Variants in ZNF618 observed in about 807,000 individuals in gnomAD.
ZNF618 encodes zinc finger protein 618, also known as neural precursor cell expressed, developmentally down-regulated 10.
In ZNF618, 34 loss-of-function variants were observed where a neutral mutation model predicts 103.0. That is an observed-to-expected ratio of 0.33 (90% CI 0.25 to 0.44). ZNF618 has a LOEUF of 0.44. ZNF618 is among the 20% of genes least tolerant of loss of function. The pLI is 1.00. For missense variants in ZNF618, 1,059 were observed against 1,295.4 expected (o/e 0.82, Z 2.80); for synonymous variants, 551 against 542.2 (o/e 1.02, Z -0.23).
chr9:114,030,540 A>G (rs1039808530), intron 11 of ZNF618, among the ~76,000 whole-genome samples: 2 of 152,212 alleles, frequency 1.3e-5, no homozygotes, highest in African/African-American at 4.8e-5. Context: ...CTGAGTAGGC[A>G]TTCAGCAAGC....
chr9:113,955,959 C>G (rs1473714774), intron 1 of ZNF618, among the ~76,000 whole-genome samples: 1 of 151,990 alleles, frequency 6.6e-6, no homozygotes, highest in African/African-American at 2.4e-5. Context: ...AGGAGCATCC[C>G]AGCACTTTGG....
At chr9:114,007,904 C>A (rs538646347) in intron 7 of ZNF618, among the ~76,000 whole-genome samples, 1 of 152,318 alleles carries the variant, frequency 6.6e-6, no homozygotes, top group South Asian at 2.1e-4. Flanking sequence ...TAGGGGTTCC[C>A]CGTCTAGCCC....
chr9:113,951,605 A>ATGTGTATATATATATATGTATATATATG (rs150077171), intron 1 of ZNF618, among the ~76,000 whole-genome samples: 7 of 71,076 alleles, frequency 9.8e-5, no homozygotes, highest in Admixed American at 6.1e-4. Context: ...GTGTATATAT[A>ATGTGTATATATATATATGTATATATATG]TGTATATATA....
At chr9:113,900,638 G>A (rs1283548374) in intron 1 of ZNF618, among the ~76,000 whole-genome samples, 52 of 80,538 alleles carry the variant, frequency 6.5e-4, no homozygotes, top group African/African-American at 1.4e-3. Context: ...CCTCTCCCGC[G>A]AACCCGAGCT....
intron 7 of ZNF618, among the ~76,000 whole-genome samples, chr9:114,007,815 A>G (rs1408344548): frequency 6.6e-6 from 1 of 152,264 alleles, no homozygotes; most frequent in Non-Finnish European, 1.5e-5. Flanking sequence ...ACAATTAGAA[A>G]TTAGAATAAT....
chr9:114,022,471 A>T (rs969300363), intron 10 of ZNF618, among the ~76,000 whole-genome samples: 2 of 151,928 alleles, frequency 1.3e-5, no homozygotes, highest in Non-Finnish European at 2.9e-5. Flanking sequence ...TTTTGTTGCT[A>T]TTGACTTCTA....
At chr9:114,042,925 A>C (rs1301117074) in intron 13 of ZNF618, among the ~76,000 whole-genome samples, 1 of 152,122 alleles carries the variant, frequency 6.6e-6, no homozygotes, top group Non-Finnish European at 1.5e-5. Context: ...GGCAGGTAAC[A>C]CCTGCTTTCT....
chr9:114,007,357 C>T lies in ZNF618; in HGVS notation c.558C>T (p.Phe186=), dbSNP rs1455602518. Residue 186 remains phenylalanine (F), a synonymous_variant, in exon 7 of 15, where the codon TTC becomes TTT. Coordinates refer to ENST00000374126, the MANE Select transcript of ZNF618 (RefSeq NM_001318042.2). ...SGEGASQSNN[F]RYTCDICGKK... ...TGTTTTCATCCCATGCAGACAATTT[C>T]AGGTACACATGTGATATCTGCGGGA... is the stretch of plus-strand genomic sequence containing the variant. 7.4e-6 allele frequency: 12 copies of T among 1,613,636 alleles called. No individual in the cohort carries two copies. In the Middle Eastern group the frequency reaches 4.9e-4, roughly 66 times the overall value.
At chr9:114,009,388 G>C (rs1842045051) in intron 9 of ZNF618, among the ~76,000 whole-genome samples, 1 of 152,198 alleles carries the variant, frequency 6.6e-6, no homozygotes, top group Admixed American at 6.5e-5. Flanking sequence ...CCAGCAGGCA[G>C]CATCCTCAGG....
chr9:113,959,805 C>T (rs951564890), intron 1 of ZNF618, among the ~76,000 whole-genome samples: 15 of 152,172 alleles, frequency 9.9e-5, no homozygotes, highest in African/African-American at 1.9e-4. Context: ...GACAGCGTTT[C>T]GCCATGTTGG....
In ZNF618 at chr9:114,047,946, G is replaced by A. The variant is rs925420301; in HGVS notation, c.1300G>A (p.Val434Ile). The A allele has an allele frequency of 1.9e-6, 3 of 1,601,832 alleles. No homozygotes were observed. Among genetic ancestry groups the A allele is most frequent in the African/African-American group, 1.3e-5 (1 of 74,662 alleles). The stretch of plus-strand genomic sequence containing the variant: ...CCAGTCCCGATCGCCACCTGCTGTT[G>A]TAGAAGAGAAGTGGAAACCTCAGGC... ...SNQSRSPPAV[V>I]EEKWKPQAQR... The change falls in exon 14 of 15, where the codon GTA (valine) becomes ATA (isoleucine). Residue 434 changes from valine to isoleucine, a missense_variant. By Grantham distance (29) the Val-to-Ile change is conservative. Transcript: ENST00000374126.
At chr9:113,962,532 C>T (rs73556418) in intron 1 of ZNF618, among the ~76,000 whole-genome samples, 25,589 of 152,188 alleles carry the variant, frequency 0.17, 2,645 homozygotes, top group East Asian at 0.33. Context: ...ATGAGCTGAC[C>T]TCCCATGATC....
At chr9:113,951,442 C>CACACAT (rs1835642261) in intron 1 of ZNF618, among the ~76,000 whole-genome samples, 1 of 49,256 alleles carries the variant, frequency 2.0e-5, no homozygotes, top group African/African-American at 8.3e-5. Context: ...TATATATATA[C>CACACAT]ATATATGTGT....
At chr9:113,973,397 G>A (rs1838186958) in intron 2 of ZNF618, among the ~76,000 whole-genome samples, 1 of 152,152 alleles carries the variant, frequency 6.6e-6, no homozygotes. Context: ...AACACATAAT[G>A]TTATTTCTCC....
chr9:113,953,242 C>T (rs1588139668), intron 1 of ZNF618, among the ~76,000 whole-genome samples: 2 of 152,162 alleles, frequency 1.3e-5, no homozygotes, highest in African/African-American at 4.8e-5. Flanking sequence ...GGGGTGTGTA[C>T]CCAGGCCTAT....
chr9:113,953,005 T>C (rs1221996513), intron 1 of ZNF618, among the ~76,000 whole-genome samples: 2 of 152,212 alleles, frequency 1.3e-5, no homozygotes, highest in Non-Finnish European at 2.9e-5. Context: ...CATAATAGTA[T>C]CTTAATACAT....
rs540829053 is a variant in ZNF618 at position 114,050,286 on chromosome 9, G to GC, written c.*124dup. ...AAACACTGTGGACCTCATTATAAAT[G>GC]CCCCCTGGAAACTTAAGTGCTTTTT... is the stretch of plus-strand genomic sequence containing the variant. On this transcript the variant is annotated 3_prime_UTR_variant, in exon 15 of 15. Transcript: ENST00000374126. 126 of 1,276,730 alleles carry GC rather than the reference G, an allele frequency of 9.9e-5. No individual in the cohort carries two copies. In the African/African-American group the frequency reaches 1.7e-3, roughly 17 times the overall value. The allele number at this position is 1,276,730 out of a possible 1,614,324, so 79.1% of individuals were successfully genotyped here.
At chr9:113,954,470 A>T (rs1472662908) in intron 1 of ZNF618, among the ~76,000 whole-genome samples, 1 of 152,190 alleles carries the variant, frequency 6.6e-6, no homozygotes, top group Admixed American at 6.5e-5. Flanking sequence ...CATTTCCCAG[A>T]CTTCCAGAGT....
intron 1 of ZNF618, among the ~76,000 whole-genome samples, chr9:113,935,364 T>C (rs1833943263): frequency 6.6e-6 from 1 of 152,158 alleles, no homozygotes; most frequent in Non-Finnish European, 1.5e-5. Context: ...AAGCCGCAGC[T>C]GCCAGCCCAG....
Sources: gnomAD v4.1 joint callset for allele counts (sites outside exome capture counted in the v4.1 genomes callset) on GRCh38, gnomAD v4.1.1 for gene constraint, MANE v1.5 for transcripts, NCBI Gene and HGNC (gene_info 2026-07-23, HGNC 2026-07-21) for gene names.